The following CAMSAP1 variants were observed in gnomAD, a reference collection of about 807,000 sequenced individuals.
CAMSAP1 encodes calmodulin regulated spectrin associated protein 1, also known as calmodulin-regulated spectrin-associated protein 1.
Under a neutral mutation model 143.5 loss-of-function variants are expected in CAMSAP1, and 58 were observed. That is an observed-to-expected ratio of 0.40 (90% CI 0.33 to 0.50). CAMSAP1 has a LOEUF of 0.50. CAMSAP1 is among the 20% of genes least tolerant of loss of function. The pLI, the probability that CAMSAP1 is intolerant of heterozygous loss-of-function variation, is 0.45. For synonymous variants in CAMSAP1, 945 were observed against 859.3 expected, an observed-to-expected ratio of 1.10 and a Z score of -1.74; for missense variants, 1,969 against 2,115.7, an observed-to-expected ratio of 0.93 and a Z score of 1.36.
rs773786922 is a variant in CAMSAP1, at chr9:135,818,840, G to T, written c.3959+170C>A. Among the ~76,000 whole-genome samples the T allele has an allele frequency of 4.6e-5, 7 of 152,164 alleles. No homozygotes were observed. Among genetic ancestry groups the T allele is most frequent in the Non-Finnish European group, 1.0e-4 (7 of 68,030 alleles). On this transcript the variant is annotated intron_variant, in intron 12 of 16. Transcript: ENST00000389532. The surrounding 1 kb of genome is among the most constrained non-coding windows in gnomAD (Gnocchi z 7.7). ...GCCACCGGCAACGCACGTCCTCACT[G>T]AAGATCAGCAGGGGCCGTGAAAGTT...
intron 5 of CAMSAP1, among the ~76,000 whole-genome samples, chr9:135,852,002 C>T (rs1030249979): frequency 3.3e-5 from 5 of 152,212 alleles, no homozygotes; most frequent in Admixed American, 6.5e-5. Flanking sequence ...CCACAGCTTG[C>T]TCCTTCCCAC....
At position 135,820,079 on chromosome 9, in the gene CAMSAP1, G is replaced by T. The variant is rs1046868889; in HGVS notation, c.3822+760C>A. 4.6e-5 allele frequency among the ~76,000 whole-genome samples: 7 copies of T among 152,202 alleles called. No individual in the cohort carries two copies. Among genetic ancestry groups the T allele is most frequent in the African/African-American group, 1.4e-4 (6 of 41,458 alleles). ...GGTGACTCTGCTGCTGTGTGAGCAT[G>T]ACGGAGTGTGCGCACACCTGGATGG... On this transcript the variant is annotated intron_variant, in intron 11 of 16. Transcript: ENST00000389532. This position sits in a 1 kb window ranked among gnomAD's most constrained non-coding sequence, Gnocchi z 4.4.
chr9:135,884,738 G>A (rs1411869730), intron 1 of CAMSAP1, among the ~76,000 whole-genome samples: 4 of 152,272 alleles, frequency 2.6e-5, no homozygotes, highest in African/African-American at 7.2e-5. Flanking sequence ...CAAGCACAAC[G>A]GGAAGACTTC....
In CAMSAP1 at chr9:135,818,473, G is replaced by A. The variant is rs1361524930; in HGVS notation, c.4103C>T (p.Pro1368Leu). 6.2e-7 allele frequency: 1 copy of A among 1,607,478 alleles called. No individual in the cohort carries two copies. The highest frequency in any genetic ancestry group is 8.5e-7 in the Non-Finnish European group (1 of 1,179,108). Residue 1368 changes from proline (P) to leucine (L), a missense_variant, in exon 13 of 17, where the codon CCG (proline) becomes CTG (leucine). Pro to Leu is a moderately conservative substitution (Grantham distance 98). This residue lies in a region of CAMSAP1 where 1,390 missense variants were observed against 1,420.8 expected (regional missense o/e 0.98). Coordinates refer to ENST00000389532, the MANE Select transcript of CAMSAP1 (RefSeq NM_015447.4). The surrounding 1 kb of genome is among the most constrained non-coding windows in gnomAD (Gnocchi z 7.7). ...LGKPKSKPKKPRPKSVHREES... is the reference protein window; with the variant it reads ...LGKPKSKPKKLRPKSVHREES... Reference sequence around the variant, plus strand: ...TTCCCGGTGCACCGACTTCGGCCGCGGCTTCTTCGGCTTTGACTTGGGCTT... The same window carrying A: ...TTCCCGGTGCACCGACTTCGGCCGCAGCTTCTTCGGCTTTGACTTGGGCTT...
Position 135,815,089 on chromosome 9 carries a change from A to C in CAMSAP1, c.4506+8T>G, listed in dbSNP as rs1196834852. On this transcript the variant is annotated splice_region_variant and intron_variant, in intron 16 of 16. Coordinates refer to ENST00000389532, the MANE Select transcript of CAMSAP1 (RefSeq NM_015447.4). ...ACATAAAAACTGAGGTTGAAACATG[A>C]TACTTGCCTCCAATATGGAATTCTT... The C allele has an allele frequency of 6.3e-7, 1 of 1,585,930 alleles. No homozygotes were observed. The highest frequency in any genetic ancestry group is 8.7e-7 in the Non-Finnish European group (1 of 1,155,510).
At chr9:135,898,546 AT>A (rs1838523766) in intron 1 of CAMSAP1, among the ~76,000 whole-genome samples, 1 of 152,158 alleles carries the variant, frequency 6.6e-6, no homozygotes, top group Non-Finnish European at 1.5e-5. Context: ...CTAAAATTTA[AT>A]TTTTTTACAT....
chr9:135,892,214 T>C (rs140161207), intron 1 of CAMSAP1, among the ~76,000 whole-genome samples: 249 of 152,164 alleles, frequency 1.6e-3, no homozygotes, highest in Middle Eastern at 0.01. Flanking sequence ...CAGACATGGT[T>C]CATAATAAAC....
chr9:135,821,648 C>G lies in CAMSAP1; in HGVS notation c.3013G>C (p.Ala1005Pro), dbSNP rs1259603722. 2.5e-6 allele frequency: 4 copies of G among 1,613,896 alleles called. No individual in the cohort carries two copies. Among genetic ancestry groups the G allele is most frequent in the Admixed American group, 1.7e-5 (1 of 59,994 alleles). ...TCCCCAACAGTGTCCTCCAGGAGGG[C>G]AGCGGAGATCACCTTATTTCTCTCC... ...ELERNKVISA[A>P]LLEDTVGEVV... The change falls in exon 11 of 17, where the codon GCC becomes CCC. Residue 1005 changes from alanine (A) to proline (P), a missense_variant. By Grantham distance (27) the Ala-to-Pro change is conservative. Around this residue, in one of 4 missense-constraint regions of CAMSAP1, gnomAD observed 1,390 missense variants for 1,420.8 expected, o/e 0.98. Coordinates refer to ENST00000389532, the MANE Select transcript of CAMSAP1 (RefSeq NM_015447.4). This position sits in a 1 kb window ranked among gnomAD's most constrained non-coding sequence, Gnocchi z 4.6.
chr9:135,877,186 T>A (rs147805444), intron 3 of CAMSAP1, among the ~76,000 whole-genome samples: 35 of 152,064 alleles, frequency 2.3e-4, no homozygotes, highest in African/African-American at 7.0e-4. Context: ...ACAGATGCAA[T>A]GCCACAGGTC....
In CAMSAP1 at chr9:135,823,095, C is replaced by G; in HGVS notation, c.1566G>C (p.Thr522=). The change falls in exon 11 of 17, where the codon ACG becomes ACC. Residue 522 remains threonine (T), a synonymous_variant. Coordinates refer to ENST00000389532, the MANE Select transcript of CAMSAP1 (RefSeq NM_015447.4). ...TPQNQPHPTA[T]KSHGKSLLSN... is the part of the protein sequence containing the mutation. ...TCAGGAGGCTCTTCCCGTGGCTCTTCGTGGCCGTGGGGTGTGGCTGGTTCT... is the reference window on the plus strand; with the variant it reads ...TCAGGAGGCTCTTCCCGTGGCTCTTGGTGGCCGTGGGGTGTGGCTGGTTCT... 6.2e-7 allele frequency: 1 copy of G among 1,614,036 alleles called. No individual in the cohort carries two copies. Among genetic ancestry groups the G allele is most frequent in the Non-Finnish European group, 8.5e-7 (1 of 1,179,910 alleles).
chr9:135,889,511 A>T (rs560275956), intron 1 of CAMSAP1, among the ~76,000 whole-genome samples: 1 of 152,388 alleles, frequency 6.6e-6, no homozygotes, highest in East Asian at 1.9e-4. Context: ...AAACTCTCAC[A>T]GAAACTCAGA....
intron 1 of CAMSAP1, among the ~76,000 whole-genome samples, 187 bp downstream of exon 1, chr9:135,906,813 C>A (rs775356469): frequency 6.6e-6 from 1 of 151,912 alleles, no homozygotes; most frequent in Non-Finnish European, 1.5e-5. Flanking sequence ...GCCAGGTGAC[C>A]GCGTCCCCAC....
At position 135,822,151 on chromosome 9, in the gene CAMSAP1, G is replaced by A. The variant is rs774666499; in HGVS notation, c.2510C>T (p.Ser837Phe). 6.2e-7 allele frequency: 1 copy of A among 1,613,534 alleles called. No individual in the cohort carries two copies. Among genetic ancestry groups the A allele is most frequent in the Non-Finnish European group, 8.5e-7 (1 of 1,179,896 alleles). ...AGACGCATCTGGCGTGGTCTTCTGG[G>A]AGCTGCTGGTGCTGGACTTGGTCTC... ...SCETKSSTSS[S>F]QKTTPDASES... The change falls in exon 11 of 17, where the codon TCC (serine) becomes TTC (phenylalanine). Residue 837 changes from serine (S) to phenylalanine (F), a missense_variant. Physicochemically the swap from Ser to Phe is radical, Grantham distance 155 (BLOSUM62 -2). Coordinates refer to ENST00000389532, the MANE Select transcript of CAMSAP1 (RefSeq NM_015447.4). The surrounding 1 kb of genome is among the most constrained non-coding windows in gnomAD (Gnocchi z 6.1).
chr9:135,872,049 G>A (rs1197273235), intron 3 of CAMSAP1, among the ~76,000 whole-genome samples: 4 of 151,918 alleles, frequency 2.6e-5, no homozygotes, highest in African/African-American at 9.7e-5. Context: ...GCAGTGAACC[G>A]AGATCACGCC....
chr9:135,892,989 T>C (rs1838335260), intron 1 of CAMSAP1, among the ~76,000 whole-genome samples: 1 of 151,824 alleles, frequency 6.6e-6, no homozygotes, highest in South Asian at 2.1e-4. Flanking sequence ...GGCAACATGA[T>C]GAGACCCTAT....
intron 5 of CAMSAP1, among the ~76,000 whole-genome samples, chr9:135,858,686 C>G (rs925607253): frequency 6.6e-6 from 1 of 152,232 alleles, no homozygotes; most frequent in Non-Finnish European, 1.5e-5. Flanking sequence ...CATCTGCAAG[C>G]TAGTGAATCA....
In CAMSAP1 at chr9:135,818,577, C is replaced by T; in HGVS notation, c.3999G>A (p.Glu1333=). The T allele has an allele frequency of 6.2e-7, 1 of 1,613,380 alleles. No individual in the cohort carries two copies. The highest frequency in any genetic ancestry group is 1.1e-5 in the South Asian group (1 of 91,078). The part of the protein sequence containing the change: ...AEEDRVRKEE[E]KARRELIKQE... ...GCTTGATGAGCTCGCGCCGCGCCTTCTCCTCCTCCTTCCGCACCCGGTCTT... is the reference window on the plus strand; with the variant it reads ...GCTTGATGAGCTCGCGCCGCGCCTTTTCCTCCTCCTTCCGCACCCGGTCTT... The change falls in exon 13 of 17, where the codon GAG becomes GAA. Residue 1333 remains glutamate (E), a synonymous_variant. Coordinates refer to ENST00000389532, the MANE Select transcript of CAMSAP1 (RefSeq NM_015447.4). This position sits in a 1 kb window ranked among gnomAD's most constrained non-coding sequence, Gnocchi z 7.7.
chr9:135,818,410 G>C lies in CAMSAP1; in HGVS notation c.4166C>G (p.Thr1389Ser). The C allele has an allele frequency of 6.3e-7, 1 of 1,577,464 alleles. No individual in the cohort carries two copies. The change falls in exon 13 of 17, where the codon ACC becomes AGC. Residue 1389 changes from threonine to serine, a missense_variant and splice_region_variant. Coordinates refer to ENST00000389532, the MANE Select transcript of CAMSAP1 (RefSeq NM_015447.4). The surrounding 1 kb of genome is among the most constrained non-coding windows in gnomAD (Gnocchi z 7.7). ...GCGTGAGGGCCGGGGCTGCTTACGG[G>C]TGGAGGAGCACTTGGTGCCGGAGTC... is the stretch of plus-strand genomic sequence containing the variant. ...CSDSGTKCSS[T>S]PDNLSRTQSG...
intron 3 of CAMSAP1, among the ~76,000 whole-genome samples, chr9:135,866,942 TCA>T (rs1837398740): frequency 6.6e-6 from 1 of 152,170 alleles, no homozygotes; most frequent in Non-Finnish European, 1.5e-5. Flanking sequence ...ACAGGATGGG[TCA>T]CACATCCCAG....
Sources: gnomAD v4.1 joint callset for allele counts (sites outside exome capture counted in the v4.1 genomes callset) on GRCh38, gnomAD v4.1.1 for gene constraint, gnomAD v4.1.1 regional missense constraint, Gnocchi (gnomAD v3.1) non-coding constraint, MANE v1.5 for transcripts, NCBI Gene and HGNC (gene_info 2026-07-23, HGNC 2026-07-21) for gene names.